SPAG17: variants seen among roughly 807,000 people sequenced by gnomAD.
SPAG17 encodes sperm-associated antigen 17.
In SPAG17, 169 loss-of-function variants were observed where a neutral mutation model predicts 273.6. That is an observed-to-expected ratio of 0.62 (90% CI 0.55 to 0.70). The LOEUF is 0.70. Among genes scored for constraint, SPAG17 ranks in the 30% least tolerant of loss-of-function variants. SPAG17 has a pLI of 0.00. For synonymous variants in SPAG17, 825 were observed against 873.2 expected (o/e 0.94, Z 0.97); for missense variants, 2,557 against 2,627.8 (o/e 0.97, Z 0.59).
intron 48 of SPAG17, among the ~76,000 whole-genome samples, chr1:117,956,760 A>G (rs1384001632): frequency 1.3e-5 from 2 of 152,218 alleles, no homozygotes; most frequent in Non-Finnish European, 2.9e-5. Context: ...GACTCAATAT[A>G]TGGTAAAAGA....
intron 3 of SPAG17, among the ~76,000 whole-genome samples, chr1:118,124,525 T>C (rs183073665): frequency 1.8e-3 from 270 of 152,354 alleles, no homozygotes; most frequent in Admixed American, 4.2e-3. Context: ...AGCTTTTTGT[T>C]GTTTGGCTTG....
Position 117,984,800 on chromosome 1 carries a change from G to C in SPAG17, c.5670-18C>G. ...TTTCCTTCCTGGTTGATGTTTCCATGATGATGCAAAAGAAGACATAGAATA... is the reference window on the plus strand; with the variant it reads ...TTTCCTTCCTGGTTGATGTTTCCATCATGATGCAAAAGAAGACATAGAATA... On this transcript the variant is annotated intron_variant, in intron 40 of 48. Coordinates refer to ENST00000336338, the MANE Select transcript of SPAG17 (RefSeq NM_206996.4). 3 of 1,462,856 alleles carry C rather than the reference G, an allele frequency of 2.1e-6. No individual in the cohort carries two copies. The highest frequency in any genetic ancestry group is 2.9e-6 in the Non-Finnish European group (3 of 1,044,750). The allele number at this position is 1,462,856 out of a possible 1,614,324, so 90.6% of individuals were successfully genotyped here. A position where few individuals can be genotyped will look rare whatever the true frequency, so the allele number is the denominator to read the frequency against.
At chr1:118,085,729 C>A (rs1178035101) in intron 13 of SPAG17, among the ~76,000 whole-genome samples, 193 bp downstream of exon 13, 3 of 152,144 alleles carry the variant, frequency 2.0e-5, no homozygotes, top group Admixed American at 6.6e-5. Context: ...GAGTGTTATG[C>A]ATTATAGCTA....
intron 43 of SPAG17, among the ~76,000 whole-genome samples, chr1:117,978,805 C>T (rs1044256844): frequency 6.6e-6 from 1 of 151,960 alleles, no homozygotes; most frequent in Non-Finnish European, 1.5e-5. Context: ...GCATTTGATA[C>T]ACTCCAAACA....
chr1:117,964,310 A>G (rs1653526753), intron 47 of SPAG17: 1 of 156,634 alleles, frequency 6.4e-6, no homozygotes, highest in African/African-American at 2.4e-5. Context: ...AAAAGATCTG[A>G]TAAGATTTTT....
chr1:118,035,374 A>G (rs1648964782), intron 24 of SPAG17, among the ~76,000 whole-genome samples: 1 of 152,210 alleles, frequency 6.6e-6, no homozygotes, highest in African/African-American at 2.4e-5. Context: ...AAATATCTTA[A>G]GCCAAAATAA....
Position 118,008,176 on chromosome 1 carries a change from G to A in SPAG17, c.4455C>T (p.Thr1485=). The part of the protein sequence containing the change: ...QETTEGPRTV[T]RQVKCMRVES... Reference sequence around the variant, plus strand: ...CTACCCGCATACACTTCACCTGCCTGGTGACAGTCCGAGGACCCTCGGCTA... The same window carrying A: ...CTACCCGCATACACTTCACCTGCCTAGTGACAGTCCGAGGACCCTCGGCTA... Residue 1485 remains threonine, a synonymous_variant, in exon 31 of 49, where the codon ACC becomes ACT. Coordinates refer to ENST00000336338, the MANE Select transcript of SPAG17 (RefSeq NM_206996.4). The A allele has an allele frequency of 6.2e-7, 1 of 1,613,896 alleles. No individual in the cohort carries two copies. The highest frequency in any genetic ancestry group is 1.7e-5 in the Admixed American group (1 of 59,954).
At chr1:118,039,246 A>G (rs1649443058) in intron 23 of SPAG17, 46 bp downstream of exon 23, 2 of 1,586,124 alleles carry the variant, frequency 1.3e-6, no homozygotes, top group Non-Finnish European at 1.7e-6. Flanking sequence ...GTGGACAGAG[A>G]CAGGAGTATT....
chr1:118,060,970 T>C (rs1450691497), intron 18 of SPAG17, among the ~76,000 whole-genome samples: 1 of 152,184 alleles, frequency 6.6e-6, no homozygotes, highest in Non-Finnish European at 1.5e-5. Context: ...ATCGAGGACT[T>C]GCAGATCAAA....
intron 36 of SPAG17, among the ~76,000 whole-genome samples, chr1:117,992,074 CAT>C (rs1378996725): frequency 2.0e-5 from 3 of 152,152 alleles, no homozygotes; most frequent in Non-Finnish European, 4.4e-5. Context: ...TAGACATGAT[CAT>C]ACAATTAACT....
At chr1:117,980,353 T>C (rs976977176) in intron 43 of SPAG17, among the ~76,000 whole-genome samples, 2 of 152,038 alleles carry the variant, frequency 1.3e-5, no homozygotes, top group Non-Finnish European at 2.9e-5. Context: ...TGCCTCAGGC[T>C]CCTCGGTAGC....
intron 32 of SPAG17, among the ~76,000 whole-genome samples, chr1:117,998,397 T>C (rs2101691259): frequency 6.6e-6 from 1 of 152,194 alleles, no homozygotes; most frequent in Admixed American, 6.6e-5. Context: ...GCTCTCTATT[T>C]GGTTTCATTG....
intron 3 of SPAG17, among the ~76,000 whole-genome samples, chr1:118,125,014 C>T (rs1657633191): frequency 6.6e-6 from 1 of 152,060 alleles, no homozygotes; most frequent in Non-Finnish European, 1.5e-5. Flanking sequence ...AGCCTTTTAG[C>T]CCAGGTTTTT....
chr1:117,964,392 A>G (rs1229825627), intron 47 of SPAG17: 1 of 153,158 alleles, frequency 6.5e-6, no homozygotes, highest in Non-Finnish European at 1.5e-5. Flanking sequence ...TTATAAATAC[A>G]AATGATTTCA....
chr1:118,089,014 T>G (rs1236024555), intron 10 of SPAG17, among the ~76,000 whole-genome samples: 1 of 152,174 alleles, frequency 6.6e-6, no homozygotes, highest in East Asian at 1.9e-4. Flanking sequence ...AAGACTACAT[T>G]GTTACTGCTT....
chr1:118,013,020 C>T (rs577708161), intron 29 of SPAG17, among the ~76,000 whole-genome samples: 53 of 152,288 alleles, frequency 3.5e-4, no homozygotes, highest in Non-Finnish European at 6.9e-4. Flanking sequence ...GTTGTGTTTG[C>T]CTCATAGTTC....
At chr1:118,166,405 T>G (rs1570813074) in intron 1 of SPAG17, among the ~76,000 whole-genome samples, 2 of 152,056 alleles carry the variant, frequency 1.3e-5, no homozygotes, top group Non-Finnish European at 2.9e-5. Flanking sequence ...AAAGGTAAGG[T>G]TAATTGGGCA....
At position 117,986,605 on chromosome 1, in the gene SPAG17, T is replaced by C. The variant is rs1250701172; in HGVS notation, c.5669+1229A>G. ...AGATAATACAGGCATATGTACACAGTTTAAAGAACACTCAAGAGTATGTAA... is the reference window on the plus strand; with the variant it reads ...AGATAATACAGGCATATGTACACAGCTTAAAGAACACTCAAGAGTATGTAA... On this transcript the variant is annotated intron_variant, in intron 40 of 48. Coordinates refer to ENST00000336338, the MANE Select transcript of SPAG17 (RefSeq NM_206996.4). 2.6e-5 allele frequency among the ~76,000 whole-genome samples: 4 copies of C among 152,122 alleles called. No homozygotes were observed. The East Asian group carries it at 7.7e-4, about 29-fold the overall frequency.
intron 20 of SPAG17, among the ~76,000 whole-genome samples, chr1:118,053,528 T>C (rs1470163396): frequency 6.6e-6 from 1 of 152,032 alleles, no homozygotes; most frequent in Non-Finnish European, 1.5e-5. Flanking sequence ...ATTAATGTTA[T>C]ATTTAATTTA....
Sources: gnomAD v4.1 joint callset for allele counts (sites outside exome capture counted in the v4.1 genomes callset) on GRCh38, gnomAD v4.1.1 for gene constraint, MANE v1.5 for transcripts, NCBI Gene and HGNC (gene_info 2026-07-23, HGNC 2026-07-21) for gene names.